Variants in CTDP1 observed in about 807,000 individuals in gnomAD.
The protein encoded by CTDP1 is RNA polymerase II subunit A C-terminal domain phosphatase.
A neutral mutation model predicts 91.8 loss-of-function variants in CTDP1; 47 were observed. The observed-to-expected ratio is 0.51, with a 90% CI of 0.41 to 0.65. CTDP1 has a LOEUF of 0.65. Among genes scored for constraint, CTDP1 ranks in the 30% least tolerant of loss-of-function variants. The pLI is 0.00. For missense variants in CTDP1, 1,272 were observed against 1,373.7 expected (o/e 0.93, Z 1.17); for synonymous variants, 656 against 598.5 (o/e 1.10, Z -1.40).
rs12604396 is a variant in CTDP1, at chr18:79,746,322, T to A, written c.2748-7330T>A. Among the ~76,000 whole-genome samples, 273 of 40,224 alleles carry A rather than the reference T, an allele frequency of 6.8e-3. 40 individuals carry two copies. The highest frequency in any genetic ancestry group is 0.015 in the African/African-American group (170 of 11,552). 26.4% of individuals were successfully genotyped at this position (40,224 alleles called of 152,430 possible). A position where few individuals can be genotyped will look rare whatever the true frequency, so the allele number is the denominator to read the frequency against. On this transcript the variant is annotated intron_variant, in intron 12 of 12. Transcript: ENST00000613122. The stretch of plus-strand genomic sequence containing the variant: ...CTGCGTCCCTCCCGTGCGCGTTCTG[T>A]CCCCGCGTCCCTCCCGTGCGCGTTC...
chr18:79,679,812 C>A lies in CTDP1; in HGVS notation c.-136C>A. 1 of 845,502 alleles carries A rather than the reference C, an allele frequency of 1.2e-6. No homozygotes were observed. The highest frequency in any genetic ancestry group is 1.7e-6 in the Non-Finnish European group (1 of 585,292). 52.4% of individuals were successfully genotyped at this position (845,502 alleles called of 1,614,324 possible). On this transcript the variant is annotated 5_prime_UTR_variant, in exon 1 of 13. Coordinates refer to ENST00000613122, the MANE Select transcript of CTDP1 (RefSeq NM_004715.5). ...TCACGCGCCCTCCAGGAAGTCGGCG[C>A]GGGCTAGGCGACGGGTGGAAGCCGG...
At chr18:79,726,871 G>GAA (rs1568206039) in intron 10 of CTDP1, among the ~76,000 whole-genome samples, 2,210 of 72,384 alleles carry the variant, frequency 0.031, 309 homozygotes, top group Non-Finnish European at 0.062. Context: ...TGCTGTGGGG[G>GAA]TGGGGTGACG....
At chr18:79,712,841 G>A (rs1599247626) in intron 6 of CTDP1, 131 bp from the exon 7 acceptor site, 2 of 902,446 alleles carry the variant, frequency 2.2e-6, no homozygotes, top group South Asian at 1.5e-5. Flanking sequence ...CGGGGCGGTT[G>A]GTGTCCGTCT....
intron 12 of CTDP1, among the ~76,000 whole-genome samples, chr18:79,743,833 A>G (rs898367761): frequency 1.3e-5 from 2 of 152,242 alleles, no homozygotes; most frequent in East Asian, 1.9e-4. Context: ...AGATCATACA[A>G]GTGTGAAAGG....
intron 11 of CTDP1, among the ~76,000 whole-genome samples, chr18:79,735,266 C>T (rs1208319835): frequency 6.6e-6 from 1 of 152,140 alleles, no homozygotes; most frequent in Non-Finnish European, 1.5e-5. Flanking sequence ...CCCTCAAGGC[C>T]CCAGCCAGGT....
intron 11 of CTDP1, 60 bp downstream of exon 11, chr18:79,729,129 T>C: frequency 6.2e-7 from 1 of 1,603,764 alleles, no homozygotes; most frequent in Non-Finnish European, 8.5e-7. Flanking sequence ...CGCAGAGCTC[T>C]GGTGTGCGGG....
At chr18:79,721,134 C>T (rs948952293) in intron 10 of CTDP1, among the ~76,000 whole-genome samples, 5 of 152,198 alleles carry the variant, frequency 3.3e-5, no homozygotes, top group African/African-American at 7.2e-5. Flanking sequence ...TGCGAAGCCT[C>T]CTACCCTGGA....
At chr18:79,706,407 A>T (rs2085967625) in intron 5 of CTDP1, among the ~76,000 whole-genome samples, 1 of 152,218 alleles carries the variant, frequency 6.6e-6, no homozygotes, top group East Asian at 1.9e-4. Context: ...ACAACCCATA[A>T]GTCACACAAA....
intron 12 of CTDP1, among the ~76,000 whole-genome samples, chr18:79,750,714 ATGT>A (rs1454688459): frequency 7.8e-6 from 1 of 127,768 alleles, no homozygotes; most frequent in African/African-American, 3.0e-5. Context: ...GGGTTTCACC[ATGT>A]TGGTCAGGCT....
In CTDP1 at chr18:79,706,054, G is replaced by A. The variant is rs529720492; in HGVS notation, c.772+1137G>A. On this transcript the variant is annotated intron_variant, in intron 5 of 12. Coordinates refer to ENST00000613122, the MANE Select transcript of CTDP1 (RefSeq NM_004715.5). Reference sequence around the variant, plus strand: ...GTCCATGTGTTAAAACCCAGTCCCAGGGCGAGGGTGTTAGGAGGGGCGTGG... The same window carrying A: ...GTCCATGTGTTAAAACCCAGTCCCAAGGCGAGGGTGTTAGGAGGGGCGTGG... Among the ~76,000 whole-genome samples, 80 of 152,300 alleles carry A rather than the reference G, an allele frequency of 5.3e-4. 1 individual carries two copies. The highest frequency in any genetic ancestry group is 5.2e-3 in the Admixed American group (80 of 15,310).
chr18:79,712,240 G>T (rs2086099964), intron 6 of CTDP1, among the ~76,000 whole-genome samples: 1 of 152,170 alleles, frequency 6.6e-6, no homozygotes, highest in African/African-American at 2.4e-5. Context: ...CATGGAGGTA[G>T]CTGGAGGTCC....
chr18:79,687,710 A>G (rs58195517), intron 1 of CTDP1, among the ~76,000 whole-genome samples: 1 of 147,584 alleles, frequency 6.8e-6, no homozygotes, highest in Non-Finnish European at 1.5e-5. Flanking sequence ...ACTGGTGGGC[A>G]TGCACCGGAG....
Position 79,695,981 on chromosome 18 carries a change from C to T in CTDP1, c.403C>T (p.Gln135Ter). 6.2e-7 allele frequency: 1 copy of T among 1,612,134 alleles called. No homozygotes were observed. The highest frequency in any genetic ancestry group is 8.5e-7 in the Non-Finnish European group (1 of 1,179,834). Residue 135 changes from glutamine (Q) to a stop codon, truncating the protein, a stop_gained, in exon 3 of 13, where the codon CAG becomes TAG. Transcript: ENST00000613122. LOFTEE classifies it high-confidence loss of function. ...AACCTGTCCTTGCACTTGCAGGTTGCAGAGTAAGAACGGGAAGCAGCAGGT... is the reference window on the plus strand; with the variant it reads ...AACCTGTCCTTGCACTTGCAGGTTGTAGAGTAAGAACGGGAAGCAGCAGGT... ...AECGQDLTQLQSKNGKQQVPL... is the reference protein window; with the variant it reads ...AECGQDLTQL
intron 12 of CTDP1, among the ~76,000 whole-genome samples, chr18:79,736,748 G>T (rs1445116947): frequency 2.3e-4 from 1 of 4,260 alleles, no homozygotes; most frequent in Non-Finnish European, 2.6e-3. Flanking sequence ...GTGCAGGTGT[G>T]GGGGGGGATC....
intron 12 of CTDP1, among the ~76,000 whole-genome samples, chr18:79,749,312 C>T (rs1340238203): frequency 1.3e-5 from 2 of 152,082 alleles, no homozygotes; most frequent in African/African-American, 2.4e-5. Flanking sequence ...TCTTCACTTT[C>T]GGTCGGGGCC....
In CTDP1 at chr18:79,699,160, G is replaced by A. The variant is rs750492130; in HGVS notation, c.621+1172G>A. Among the ~76,000 whole-genome samples the A allele has an allele frequency of 2.6e-4, 40 of 152,156 alleles. 1 individual carries two copies. The highest frequency in any genetic ancestry group is 1.3e-4 in the Admixed American group (2 of 15,276). ...GCTGTGTTAGTCATTTGTGTGTCTCGTGGCATCTTACACAGCAGTCTATTC... is the reference window on the plus strand; with the variant it reads ...GCTGTGTTAGTCATTTGTGTGTCTCATGGCATCTTACACAGCAGTCTATTC... On this transcript the variant is annotated intron_variant, in intron 4 of 12. Coordinates refer to ENST00000613122, the MANE Select transcript of CTDP1 (RefSeq NM_004715.5).
Position 79,697,774 on chromosome 18 carries a change from T to C in CTDP1, c.493-86T>C, listed in dbSNP as rs145877356. 490 of 1,577,904 alleles carry C rather than the reference T, an allele frequency of 3.1e-4. 1 individual carries two copies. In the African/African-American group the frequency reaches 5.0e-3, roughly 16 times the overall value. ...GGGGCTGGAGGGGAACACATTGATA[T>C]AGTTTTGTGTTTCTCGATGAAATGG... On this transcript the variant is annotated intron_variant, in intron 3 of 12. Coordinates refer to ENST00000613122, the MANE Select transcript of CTDP1 (RefSeq NM_004715.5).
chr18:79,696,739 T>A (rs56352514), intron 3 of CTDP1, among the ~76,000 whole-genome samples: 18,944 of 152,014 alleles, frequency 0.12, 1,545 homozygotes, highest in Non-Finnish European at 0.19. Context: ...TGAGATGGGT[T>A]TTTATCTTCG....
At chr18:79,748,849 G>A (rs115912508) in intron 12 of CTDP1, among the ~76,000 whole-genome samples, 2,255 of 151,918 alleles carry the variant, frequency 0.015, 68 homozygotes, top group African/African-American at 0.052. Context: ...CACATGAGCC[G>A]TGTCTGTGTG....
Sources: gnomAD v4.1 joint callset for allele counts (sites outside exome capture counted in the v4.1 genomes callset) on GRCh38, gnomAD v4.1.1 for gene constraint, MANE v1.5 for transcripts, NCBI Gene and HGNC (gene_info 2026-07-23, HGNC 2026-07-21) for gene names.